Variants in RASA3 observed in about 807,000 individuals in gnomAD.
The protein encoded by RASA3 is ras GTPase-activating protein 3.
In RASA3, 73 loss-of-function variants were observed where a neutral mutation model predicts 110.0. That is an observed-to-expected ratio of 0.66 (90% CI 0.55 to 0.81). The LOEUF (loss-of-function observed/expected upper bound fraction) is 0.81, where lower values mean the gene tolerates loss of function less well. RASA3 is among the 30% of genes least tolerant of loss of function. RASA3 has a pLI of 0.00. For synonymous variants in RASA3, 500 were observed against 451.4 expected, an observed-to-expected ratio of 1.11 and a Z score of -1.37; for missense variants, 976 against 1,113.2, an observed-to-expected ratio of 0.88 and a Z score of 1.75.
intron 1 of RASA3, among the ~76,000 whole-genome samples, chr13:114,074,164 GCA>G (rs2079628011): frequency 6.6e-6 from 1 of 152,192 alleles, no homozygotes. Flanking sequence ...CTGCTCGCGT[GCA>G]CAGTTCTGTG....
Position 114,045,706 on chromosome 13 carries a change from G to A in RASA3, c.278-4612C>T, listed in dbSNP as rs1194748597. Among the ~76,000 whole-genome samples the A allele has an allele frequency of 3.9e-5, 6 of 152,352 alleles. No individual in the cohort carries two copies. In the East Asian group the frequency reaches 7.7e-4, roughly 20 times the overall value. On this transcript the variant is annotated intron_variant, in intron 3 of 23. Coordinates refer to ENST00000334062, the MANE Select transcript of RASA3 (RefSeq NM_007368.4). ...AGAACAGAGAACACAAAGTCAGTGT[G>A]GAGACGTCGACTGCGTTTGTACATA...
rs747161689 is a variant in RASA3, at chr13:114,132,464, C to T, written c.26G>A (p.Arg9Gln). 1.3e-6 allele frequency: 2 copies of T among 1,514,980 alleles called. No homozygotes were observed. Among genetic ancestry groups the T allele is most frequent in the Non-Finnish European group, 1.8e-6 (2 of 1,138,152 alleles). The allele number at this position is 1,514,980 out of a possible 1,614,324, so 93.8% of individuals were successfully genotyped here. MAVEDEGL[R>Q]VFQSVKIKIG... ...CTTGATCTTCACGCTCTGGAAGACC[C>T]GGAGCCCCTCGTCCTCCACCGCCAT... is the stretch of plus-strand genomic sequence containing the variant. The change falls in exon 1 of 24, where the codon CGG (arginine) becomes CAG (glutamine). Residue 9 changes from arginine to glutamine, a missense_variant. This residue lies in a region of RASA3 where 732 missense variants were observed against 779.7 expected (regional missense o/e 0.94). Transcript: ENST00000334062.
intron 2 of RASA3, among the ~76,000 whole-genome samples, chr13:114,068,421 G>C (rs958200711): frequency 2.6e-5 from 4 of 152,364 alleles, no homozygotes; most frequent in Non-Finnish European, 4.4e-5. Context: ...TCCTTACGTG[G>C]ATGGAAGGAA....
chr13:113,996,418 G>C, intron 21 of RASA3, 113 bp downstream of exon 21: 1 of 1,130,128 alleles, frequency 8.8e-7, no homozygotes, highest in East Asian at 2.5e-5. Flanking sequence ...GGGCAGCCCT[G>C]TTTATGTGCA....
rs1420026744 is a variant in RASA3, at chr13:114,115,605, G to A, written c.55+16830C>T. Among the ~76,000 whole-genome samples the A allele has an allele frequency of 1.3e-5, 2 of 152,200 alleles. No homozygotes were observed. Among genetic ancestry groups the A allele is most frequent in the African/African-American group, 2.4e-5 (1 of 41,434 alleles). On this transcript the variant is annotated intron_variant, in intron 1 of 23. Transcript: ENST00000334062. The surrounding 1 kb of genome is among the most constrained non-coding windows in gnomAD (Gnocchi z 5.0). ...CATGTCCACGCCCTCTGCAGGCCTC[G>A]TGTCCCCCTCGCTGTCGCCTGCCGA... is the stretch of plus-strand genomic sequence containing the variant.
chr13:114,056,503 G>A lies in RASA3; in HGVS notation c.174-4348C>T, dbSNP rs1480236821. ...TGAGAGTGCGGCGTCCCTGGGCGCT[G>A]CCCGGTAGCGGGGTGTTCAGTTGCT... On this transcript the variant is annotated intron_variant, in intron 2 of 23. Transcript: ENST00000334062. The surrounding 1 kb of genome is among the most constrained non-coding windows in gnomAD (Gnocchi z 5.7). The A allele has an allele frequency of 1.0e-6, 1 of 985,332 alleles. No homozygotes were observed. The highest frequency in any genetic ancestry group is 1.2e-6 in the Non-Finnish European group (1 of 829,916). The allele number at this position is 985,332 out of a possible 1,614,324, so 61.0% of individuals were successfully genotyped here.
chr13:113,979,521 T>A lies in RASA3; in HGVS notation c.2430-99A>T, dbSNP rs2052858500. 4 of 945,956 alleles carry A rather than the reference T, an allele frequency of 4.2e-6. No individual in the cohort carries two copies. The South Asian group carries it at 5.3e-5, about 12-fold the overall frequency. The allele number at this position is 945,956 out of a possible 1,614,324, so 58.6% of individuals were successfully genotyped here. ...TTTCCTGTTCCTAAATGTGACACAC[T>A]CACACTGCAATCCACACAAAAAATA... On this transcript the variant is annotated intron_variant, in intron 23 of 23. Coordinates refer to ENST00000334062, the MANE Select transcript of RASA3 (RefSeq NM_007368.4).
intron 7 of RASA3, among the ~76,000 whole-genome samples, chr13:114,025,713 G>A (rs1395810010): frequency 6.6e-6 from 1 of 152,260 alleles, no homozygotes; most frequent in Non-Finnish European, 1.5e-5. Flanking sequence ...CTCATTTAGA[G>A]AGTTAAAGGG....
chr13:114,037,676 GTC>G (rs888663491), intron 4 of RASA3, among the ~76,000 whole-genome samples: 28 of 152,200 alleles, frequency 1.8e-4, no homozygotes, highest in African/African-American at 6.5e-4. Context: ...TAAATTTCAT[GTC>G]TCTGTTTTAC....
chr13:114,004,354 CTCAAA>C (rs2053467269), intron 18 of RASA3, among the ~76,000 whole-genome samples: 1 of 98,790 alleles, frequency 1.0e-5, no homozygotes, highest in Non-Finnish European at 1.9e-5. Context: ...TTAGAAGGAA[CTCAAA>C]CAACTTAACA....
chr13:114,104,843 C>T (rs1268723806), intron 1 of RASA3, among the ~76,000 whole-genome samples: 1 of 151,470 alleles, frequency 6.6e-6, no homozygotes, highest in Non-Finnish European at 1.5e-5. Context: ...TCACCCCTCC[C>T]TCCCCACACA....
intron 3 of RASA3, among the ~76,000 whole-genome samples, chr13:114,049,020 A>G (rs1462061606): frequency 6.6e-6 from 1 of 150,802 alleles, no homozygotes; most frequent in Non-Finnish European, 1.5e-5. Flanking sequence ...CCCGTCCCCA[A>G]CCCACACCCC....
chr13:114,000,132 G>T (rs1459568705), intron 19 of RASA3, among the ~76,000 whole-genome samples: 1 of 108,682 alleles, frequency 9.2e-6, no homozygotes, highest in Non-Finnish European at 1.9e-5. Flanking sequence ...GAGGGTCTCT[G>T]CTGGGGGGGG....
intron 2 of RASA3, among the ~76,000 whole-genome samples, chr13:114,060,600 C>T (rs1192930972): frequency 6.6e-6 from 1 of 152,216 alleles, no homozygotes; most frequent in Non-Finnish European, 1.5e-5. Context: ...CAGGAGGTGA[C>T]GGGCCTGCGG....
intron 22 of RASA3, among the ~76,000 whole-genome samples, chr13:113,992,221 A>T (rs1410604649): frequency 6.6e-6 from 1 of 152,264 alleles, no homozygotes; most frequent in Non-Finnish European, 1.5e-5. Flanking sequence ...GGTCCTCTAA[A>T]GAAACTTGGC....
chr13:113,991,614 T>C lies in RASA3; in HGVS notation c.2245+871A>G, dbSNP rs567640348. Among the ~76,000 whole-genome samples, 7 of 152,350 alleles carry C rather than the reference T, an allele frequency of 4.6e-5. 1 individual carries two copies. The highest frequency in any genetic ancestry group is 1.2e-4 in the African/African-American group (5 of 41,582). On this transcript the variant is annotated intron_variant, in intron 22 of 23. Coordinates refer to ENST00000334062, the MANE Select transcript of RASA3 (RefSeq NM_007368.4). ...TGTGGTCTAACTGGGCTTATCTGGA[T>C]TGCTATTTCAATTCTGTAAAGCAAT...
chr13:114,054,191 T>C (rs979857532), intron 2 of RASA3, among the ~76,000 whole-genome samples: 19 of 151,944 alleles, frequency 1.3e-4, no homozygotes, highest in African/African-American at 4.6e-4. Flanking sequence ...TATTAGTAAG[T>C]CAGTTATCTG....
In RASA3 at chr13:114,056,736, G is replaced by C. The variant is rs2079252040; in HGVS notation, c.174-4581C>G. 6 of 900,808 alleles carry C rather than the reference G, an allele frequency of 6.7e-6. No individual in the cohort carries two copies. Among genetic ancestry groups the C allele is most frequent in the Non-Finnish European group, 6.6e-6 (5 of 752,790 alleles). The allele number at this position is 900,808 out of a possible 1,614,324, so 55.8% of individuals were successfully genotyped here. A position where few individuals can be genotyped will look rare whatever the true frequency, so the allele number is the denominator to read the frequency against. On this transcript the variant is annotated intron_variant, in intron 2 of 23. Coordinates refer to ENST00000334062, the MANE Select transcript of RASA3 (RefSeq NM_007368.4). This position sits in a 1 kb window ranked among gnomAD's most constrained non-coding sequence, Gnocchi z 5.7. ...TCAATAAAAAGAGATAAAAATAGCA[G>C]AAAGAGGAAGCTACAAGAAAACATA...
At chr13:114,064,648 T>C (rs1487195112) in intron 2 of RASA3, among the ~76,000 whole-genome samples, 3 of 152,196 alleles carry the variant, frequency 2.0e-5, no homozygotes, top group Non-Finnish European at 4.4e-5. Context: ...CCCCATCCTG[T>C]TCGGTGGCCT....
Sources: gnomAD v4.1 joint callset for allele counts (sites outside exome capture counted in the v4.1 genomes callset) on GRCh38, gnomAD v4.1.1 for gene constraint, gnomAD v4.1.1 regional missense constraint, Gnocchi (gnomAD v3.1) non-coding constraint, MANE v1.5 for transcripts, NCBI Gene and HGNC (gene_info 2026-07-23, HGNC 2026-07-21) for gene names.